Variants in AKR1C4 observed in about 807,000 individuals in gnomAD.
AKR1C4 encodes aldo-keto reductase family 1 member C4, also known as 3-alpha-HSD1.
Under a neutral mutation model 41.0 loss-of-function variants are expected in AKR1C4, and 44 were observed. The ratio of observed to expected loss-of-function variants is 1.07; its 90% CI spans 0.84 to 1.38. The LOEUF (loss-of-function observed/expected upper bound fraction) is 1.38. Among genes scored for constraint, AKR1C4 ranks in the 40% most tolerant of loss-of-function variants. The probability of loss-of-function intolerance (pLI) is 0.00; values close to 1 mark genes in which losing one functional copy is unlikely to be tolerated. For synonymous variants in AKR1C4, 165 were observed against 137.7 expected, an observed-to-expected ratio of 1.20 and a Z score of -1.39; for missense variants, 438 against 387.9, an observed-to-expected ratio of 1.13 and a Z score of -1.09.
Position 5,218,819 on chromosome 10 carries a change from G to A in AKR1C4, c.*59G>A, listed in dbSNP as rs1047925989. 1.3e-6 allele frequency: 2 copies of A among 1,519,100 alleles called. No individual in the cohort carries two copies. Among genetic ancestry groups the A allele is most frequent in the Non-Finnish European group, 1.8e-6 (2 of 1,095,476 alleles). The allele number at this position is 1,519,100 out of a possible 1,614,324, so 94.1% of individuals were successfully genotyped here. A position where few individuals can be genotyped will look rare whatever the true frequency, so the allele number is the denominator to read the frequency against. On this transcript the variant is annotated 3_prime_UTR_variant, in exon 9 of 9. Transcript: ENST00000263126. ...CCCTGTGTGTGGATGGTGATGCAGAGGATGTCTCTATGCTGGTGACTGGAC... is the reference window on the plus strand; with the variant it reads ...CCCTGTGTGTGGATGGTGATGCAGAAGATGTCTCTATGCTGGTGACTGGAC...
intron 5 of AKR1C4, among the ~76,000 whole-genome samples, 197 bp downstream of exon 5, chr10:5,206,594 A>T (rs1351626170): frequency 1.3e-5 from 2 of 152,188 alleles, no homozygotes; most frequent in Non-Finnish European, 2.9e-5. Context: ...TGGTACAGAG[A>T]CCTTCATGCT....
In AKR1C4 at chr10:5,213,012, A is replaced by AG. The variant is rs1554798104; in HGVS notation, c.700dup (p.Val234GlyfsTer41). The stretch of plus-strand genomic sequence containing the variant: ...CTTCCAGGGTGGACCCAAACTCCCC[A>AG]GTTCTTTTGGAGGACCCAGTTCTTT... On this transcript the variant is annotated frameshift_variant, in exon 7 of 9. Coordinates refer to ENST00000263126, the MANE Select transcript of AKR1C4 (RefSeq NM_001818.5). LOFTEE classifies it high-confidence loss of function. 1.9e-6 allele frequency: 3 copies of AG among 1,614,002 alleles called. No individual in the cohort carries two copies. Among genetic ancestry groups the AG allele is most frequent in the African/African-American group, 2.7e-5 (2 of 74,918 alleles).
Position 5,218,800 on chromosome 10 carries a change from G to A in AKR1C4, c.*40G>A. ...CACGACATCTAGCAGAAGGCCCTGT[G>A]TGTGGATGGTGATGCAGAGGATGTC... On this transcript the variant is annotated 3_prime_UTR_variant, in exon 9 of 9. Coordinates refer to ENST00000263126, the MANE Select transcript of AKR1C4 (RefSeq NM_001818.5). 1 of 1,560,402 alleles carries A rather than the reference G, an allele frequency of 6.4e-7. No homozygotes were observed. The highest frequency in any genetic ancestry group is 1.1e-5 in the South Asian group (1 of 89,866).
chr10:5,208,823 AC>A (rs1374497099), intron 5 of AKR1C4, among the ~76,000 whole-genome samples: 2 of 151,392 alleles, frequency 1.3e-5, no homozygotes, highest in African/African-American at 2.5e-5. Flanking sequence ...CTGAAATTAT[AC>A]CTAATAAAAG....
At chr10:5,197,767 G>A (rs989115543) in intron 1 of AKR1C4, among the ~76,000 whole-genome samples, 7 of 152,278 alleles carry the variant, frequency 4.6e-5, no homozygotes, top group Non-Finnish European at 7.4e-5. Context: ...TCAACTATAC[G>A]TTGTAAGAAT....
At chr10:5,206,422 T>G in intron 5 of AKR1C4, 25 bp downstream of exon 5, 3 of 1,613,816 alleles carry the variant, frequency 1.9e-6, no homozygotes, top group South Asian at 2.2e-5. Flanking sequence ...CCTCCTCTCC[T>G]TTCTCTTCTC....
chr10:5,212,378 A>G (rs1200292781), intron 5 of AKR1C4, among the ~76,000 whole-genome samples: 1 of 152,192 alleles, frequency 6.6e-6, no homozygotes, highest in Non-Finnish European at 1.5e-5. Flanking sequence ...GTGCACTTCT[A>G]GTGGTCAAAG....
intron 7 of AKR1C4, among the ~76,000 whole-genome samples, chr10:5,216,194 G>C (rs921115471): frequency 6.6e-6 from 1 of 152,192 alleles, no homozygotes; most frequent in African/African-American, 2.4e-5. Context: ...TTTTAAACCA[G>C]ATTTCATGTG....
intron 2 of AKR1C4, chr10:5,202,444 G>A (rs782651705): frequency 2.2e-6 from 1 of 455,472 alleles, no homozygotes; most frequent in Non-Finnish European, 4.4e-6. Context: ...TCATATTACT[G>A]GCAAACAGCA....
At chr10:5,211,120 C>T (rs1299612071) in intron 5 of AKR1C4, among the ~76,000 whole-genome samples, 1 of 152,100 alleles carries the variant, frequency 6.6e-6, no homozygotes, top group African/African-American at 2.4e-5. Flanking sequence ...ACCATTTTTT[C>T]CTCCTAGACC....
chr10:5,198,015 A>T (rs1832337892), intron 1 of AKR1C4, among the ~76,000 whole-genome samples: 1 of 152,228 alleles, frequency 6.6e-6, no homozygotes, highest in Non-Finnish European at 1.5e-5. Flanking sequence ...ATATTAAAAT[A>T]GAAAATTGTT....
intron 5 of AKR1C4, 116 bp from the exon 6 acceptor site, chr10:5,212,500 T>A: frequency 1.1e-6 from 1 of 933,436 alleles, no homozygotes; most frequent in Non-Finnish European, 1.5e-6. Context: ...TGATTGTTAC[T>A]TGACAGTAAT....
rs1832461930 is a variant in AKR1C4, at chr10:5,204,922, TA to T, written c.369+434del. On this transcript the variant is annotated intron_variant, in intron 3 of 8. Transcript: ENST00000263126. Reference sequence around the variant, plus strand: ...GGTGGAACTCACTCTGGGTGAGTTTTAAAAAGGAAACCATAATAGGACCTGA... The same window carrying T: ...GGTGGAACTCACTCTGGGTGAGTTTTAAAAGGAAACCATAATAGGACCTGA... Among the ~76,000 whole-genome samples the T allele has an allele frequency of 2.0e-5, 3 of 152,338 alleles. No homozygotes were observed. In the South Asian group the frequency reaches 6.2e-4, roughly 32 times the overall value.
At position 5,206,364 on chromosome 10, in the gene AKR1C4, G is replaced by A. The variant is rs782271542; in HGVS notation, c.537G>A (p.Lys179=). The change falls in exon 5 of 9, where the codon AAG becomes AAA. Residue 179 remains lysine, a synonymous_variant. Transcript: ENST00000263126. ...GGCAGCTGGAGATGATCCTCAACAA[G>A]CCAGGACTCAAGTACAAGCCTGTCT... The part of the protein sequence containing the change: ...NCRQLEMILN[K]PGLKYKPVCN... 9 of 1,614,064 alleles carry A rather than the reference G, an allele frequency of 5.6e-6. No homozygotes were observed. In the South Asian group the frequency reaches 8.8e-5, roughly 16 times the overall value.
intron 8 of AKR1C4, among the ~76,000 whole-genome samples, chr10:5,218,000 C>G (rs1385148918): frequency 6.6e-6 from 1 of 152,078 alleles, no homozygotes; most frequent in Admixed American, 6.5e-5. Context: ...AGAACTCAAA[C>G]ATTTTTAGAT....
intron 8 of AKR1C4, among the ~76,000 whole-genome samples, chr10:5,217,172 C>G (rs1401825588): frequency 6.6e-6 from 1 of 152,192 alleles, no homozygotes; most frequent in Non-Finnish European, 1.5e-5. Flanking sequence ...CTTTTTCTTC[C>G]AAATCCACTC....
intron 2 of AKR1C4, among the ~76,000 whole-genome samples, chr10:5,203,743 A>G (rs782660575): frequency 2.0e-5 from 3 of 152,222 alleles, no homozygotes; most frequent in Non-Finnish European, 4.4e-5. Context: ...GAGGCATGCT[A>G]ACACTGCCTC....
chr10:5,213,357 C>T lies in AKR1C4; in HGVS notation c.846+198C>T, dbSNP rs578201821. ...GGAGAGAATCAGGATGGGACCAAAA[C>T]CAGGAATTTTGGTTTCACAACATAA... On this transcript the variant is annotated intron_variant, in intron 7 of 8. Transcript: ENST00000263126. Among the ~76,000 whole-genome samples, 3 of 150,378 alleles carry T rather than the reference C, an allele frequency of 2.0e-5. No individual in the cohort carries two copies. The South Asian group carries it at 6.3e-4, about 32-fold the overall frequency.
At chr10:5,199,349 A>G (rs1475522211) in intron 1 of AKR1C4, among the ~76,000 whole-genome samples, 1 of 151,892 alleles carries the variant, frequency 6.6e-6, no homozygotes, top group Non-Finnish European at 1.5e-5. Context: ...CGGGAAGGGA[A>G]GTGCTGGCTA....
Sources: gnomAD v4.1 joint callset for allele counts (sites outside exome capture counted in the v4.1 genomes callset) on GRCh38, gnomAD v4.1.1 for gene constraint, MANE v1.5 for transcripts, NCBI Gene and HGNC (gene_info 2026-07-23, HGNC 2026-07-21) for gene names.